NLRP1: variants seen among roughly 807,000 people sequenced by gnomAD.
NLRP1 encodes the protein NACHT, LRR and PYD domains-containing protein 1.
In NLRP1, 94 loss-of-function variants were observed where a neutral mutation model predicts 136.7. The ratio of observed to expected loss-of-function variants is 0.69; its 90% CI spans 0.58 to 0.82. NLRP1 has a LOEUF of 0.82. Ranked by LOEUF, NLRP1 falls within the 40% of genes least tolerant of loss-of-function variation. NLRP1 has a pLI of 0.00. For missense variants in NLRP1, 1,575 were observed against 1,802.7 expected (o/e 0.87, Z 2.29); for synonymous variants, 690 against 725.1 (o/e 0.95, Z 0.78).
chr17:5,508,728 A>G (rs1907481539), intron 15 of NLRP1, among the ~76,000 whole-genome samples: 1 of 152,224 alleles, frequency 6.6e-6, no homozygotes, highest in African/African-American at 2.4e-5. Flanking sequence ...GATGCTTGTG[A>G]TGATCTAAAT....
intron 15 of NLRP1, 39 bp downstream of exon 15, chr17:5,517,707 C>A: frequency 6.2e-7 from 1 of 1,611,268 alleles, no homozygotes; most frequent in Non-Finnish European, 8.5e-7. Context: ...TTTCTTTCTC[C>A]TCCCACCTCT....
chr17:5,574,291 G>A (rs1435707348), intron 3 of NLRP1, among the ~76,000 whole-genome samples: 1 of 152,196 alleles, frequency 6.6e-6, no homozygotes, highest in East Asian at 1.9e-4. Flanking sequence ...AAGCCTCCAA[G>A]AAATATGGGA....
chr17:5,553,096 A>T (rs1341934812), intron 5 of NLRP1, among the ~76,000 whole-genome samples: 1 of 152,106 alleles, frequency 6.6e-6, no homozygotes, highest in Non-Finnish European at 1.5e-5. Flanking sequence ...CCTTCTCCAC[A>T]GAGCCTTTGT....
chr17:5,512,645 G>A (rs79778109), downstream of NLRP1: 582 of 388,300 alleles, frequency 1.5e-3, 6 homozygotes, highest in African/African-American at 0.011. Context: ...TGACCTGTGC[G>A]GTCACACAGA....
At chr17:5,535,256 C>T (rs945926929) in intron 8 of NLRP1, among the ~76,000 whole-genome samples, 1 of 151,976 alleles carries the variant, frequency 6.6e-6, no homozygotes, top group Non-Finnish European at 1.5e-5. Flanking sequence ...GGCCCCACCC[C>T]AGAGATTCTG....
rs571261783 is a variant in NLRP1 at position 5,573,014 on chromosome 17, C to A, written c.652+8845G>T. On this transcript the variant is annotated intron_variant, in intron 3 of 16. Transcript: ENST00000572272. ...CCACCGAGCATAAGCCAAAGCAGGG[C>A]GAGGCATTGCCTCACCTGGGAAGTG... 2.8e-4 allele frequency among the ~76,000 whole-genome samples: 42 copies of A among 152,256 alleles called. No homozygotes were observed. The South Asian group carries it at 8.3e-3, about 30-fold the overall frequency.
At position 5,582,736 on chromosome 17, in the gene NLRP1, A is replaced by T; in HGVS notation, c.382T>A (p.Cys128Ser). 1 of 1,613,818 alleles carries T rather than the reference A, an allele frequency of 6.2e-7. No homozygotes were observed. The highest frequency in any genetic ancestry group is 1.1e-5 in the South Asian group (1 of 91,030). Residue 128 changes from cysteine (C) to serine (S), a missense_variant, in exon 2 of 17, where the codon TGC (cysteine) becomes AGC (serine). Physicochemically the swap from Cys to Ser is moderately radical, Grantham distance 112 (BLOSUM62 -1). Coordinates refer to ENST00000572272, the MANE Select transcript of NLRP1 (RefSeq NM_033004.4). ...ACCCTTCTCTCTGAGCCCTGGGTGC[A>T]CCCCGCCGGCAATTCATGGATCCAG... ...MPWIHELPAGCTQGSERRVLR... is the reference protein window; with the variant it reads ...MPWIHELPAGSTQGSERRVLR...
intron 14 of NLRP1, among the ~76,000 whole-genome samples, chr17:5,520,405 C>T (rs1315495651): frequency 2.0e-5 from 3 of 152,142 alleles, no homozygotes; most frequent in Non-Finnish European, 4.4e-5. Context: ...CTCCGTGTGG[C>T]CTGAACCAAC....
At position 5,521,056 on chromosome 17, in the gene NLRP1, G is replaced by A. The variant is rs12944976; in HGVS notation, c.3784-44C>T. On this transcript the variant is annotated intron_variant, in intron 13 of 16. Coordinates refer to ENST00000572272, the MANE Select transcript of NLRP1 (RefSeq NM_033004.4). ...AATGATTAAGGGAGGCTTCTGCCCC[G>A]TGGAATGTGGTTTGAATAGGGGGGA... The A allele has an allele frequency of 0.37, 563,568 of 1,537,278 alleles. 109,145 individuals are homozygous for A. Among genetic ancestry groups the A allele is most frequent in the Non-Finnish European group, 0.4 (453,578 of 1,137,136 alleles).
At chr17:5,523,924 T>C (rs1453718391) in intron 12 of NLRP1, among the ~76,000 whole-genome samples, 1 of 152,172 alleles carries the variant, frequency 6.6e-6, no homozygotes, top group Non-Finnish European at 1.5e-5. Flanking sequence ...ACAATACAAC[T>C]ATTCTTTTTT....
At chr17:5,553,753 C>T (rs1028981065) in intron 4 of NLRP1, among the ~76,000 whole-genome samples, 197 bp from the exon 5 acceptor site, 1 of 152,160 alleles carries the variant, frequency 6.6e-6, no homozygotes, top group African/African-American at 2.4e-5. Flanking sequence ...CCATGTGGCT[C>T]CTCATTCTAC....
chr17:5,536,426 C>T (rs532082982), intron 8 of NLRP1, among the ~76,000 whole-genome samples: 43 of 143,084 alleles, frequency 3.0e-4, no homozygotes, highest in African/African-American at 9.5e-4. Flanking sequence ...GGATTACAGG[C>T]GTGAGCCACC....
chr17:5,552,479 T>C (rs1913498431), intron 5 of NLRP1, among the ~76,000 whole-genome samples: 1 of 152,100 alleles, frequency 6.6e-6, no homozygotes, highest in African/African-American at 2.4e-5. Flanking sequence ...CTTGAAAGGA[T>C]CTTGAAACCA....
chr17:5,574,774 G>A (rs1171153871), intron 3 of NLRP1, among the ~76,000 whole-genome samples: 3 of 149,772 alleles, frequency 2.0e-5, no homozygotes, highest in Non-Finnish European at 4.4e-5. Flanking sequence ...CCATTCTCCT[G>A]CCTTAGCCTC....
chr17:5,574,637 AGT>A lies in NLRP1; in HGVS notation c.652+7220_652+7221del, dbSNP rs981702286. On this transcript the variant is annotated intron_variant, in intron 3 of 16. Transcript: ENST00000572272. The stretch of plus-strand genomic sequence containing the variant: ...GCAGAAACTCTACAAGCCAGAAGAG[AGT>A]GGGGGCCAATATTCAACATTCTTTT... Among the ~76,000 whole-genome samples the A allele has an allele frequency of 1.9e-4, 29 of 150,576 alleles. No homozygotes were observed. The South Asian group carries it at 3.2e-3, about 16-fold the overall frequency.
At chr17:5,549,313 T>G (rs1299187110) in intron 5 of NLRP1, among the ~76,000 whole-genome samples, 2 of 152,130 alleles carry the variant, frequency 1.3e-5, no homozygotes, top group Non-Finnish European at 2.9e-5. Flanking sequence ...GGGTCTCCCT[T>G]TGTCACCCAG....
intron 12 of NLRP1, among the ~76,000 whole-genome samples, chr17:5,522,454 A>C (rs1278537462): frequency 6.6e-6 from 1 of 152,224 alleles, no homozygotes; most frequent in Non-Finnish European, 1.5e-5. Flanking sequence ...GGGCCTCACC[A>C]ACACACCAAA....
At position 5,558,581 on chromosome 17, in the gene NLRP1, C is replaced by T. The variant is rs768403661; in HGVS notation, c.2115G>A (p.Pro705=). 1.8e-5 allele frequency: 29 copies of T among 1,613,910 alleles called. No homozygotes were observed. The highest frequency in any genetic ancestry group is 4.4e-5 in the South Asian group (4 of 91,082). Residue 705 remains proline, a synonymous_variant, in exon 4 of 17, where the codon CCG becomes CCA. Transcript: ENST00000572272. ...SQGRNLMQWV[P]SLQLLLQPHS... ...GTGGCTGCAGCAGCAGCTGCAGGGA[C>T]GGGACCCACTGCATCAGGTTCCTCC...
chr17:5,565,690 CA>C (rs1443737830), intron 3 of NLRP1, among the ~76,000 whole-genome samples: 1 of 152,190 alleles, frequency 6.6e-6, no homozygotes, highest in Non-Finnish European at 1.5e-5. Context: ...ATACTGGCCT[CA>C]GAGAATGAGT....
Sources: allele counts gnomAD v4.1 joint callset (sites outside exome capture counted in the v4.1 genomes callset), GRCh38; gene constraint gnomAD v4.1.1; transcripts MANE v1.5; gene names NCBI Gene and HGNC (gene_info 2026-07-23, HGNC 2026-07-21).